PCLO: variants seen among roughly 807,000 people sequenced by gnomAD.
PCLO encodes protein piccolo.
PCLO carries 82 observed loss-of-function variants against 427.5 expected under a neutral mutation model. The observed-to-expected ratio is 0.19, with a 90% confidence interval of 0.16 to 0.23. PCLO has a LOEUF of 0.23. Ranked by LOEUF, PCLO falls within the 10% of genes least tolerant of loss-of-function variation. The probability of loss-of-function intolerance (pLI) is 1.00; values close to 1 mark genes in which losing one functional copy is unlikely to be tolerated. For missense variants in PCLO, 6,239 were observed against 6,115.9 expected (o/e 1.02, Z -0.67); for synonymous variants, 2,357 against 2,155.4 (o/e 1.09, Z -2.59).
chr7:82,853,173 TA>T (rs1331524313), intron 10 of PCLO, among the ~76,000 whole-genome samples: 1 of 152,176 alleles, frequency 6.6e-6, no homozygotes, highest in Non-Finnish European at 1.5e-5. Context: ...ATAATATTGA[TA>T]TTTTTTAAAT....
In PCLO at chr7:82,916,455, G is replaced by T. The variant is rs1794466565; in HGVS notation, c.11531C>A (p.Pro3844Gln). The T allele has an allele frequency of 1.2e-6, 2 of 1,613,580 alleles. No individual in the cohort carries two copies. Among genetic ancestry groups the T allele is most frequent in the Admixed American group, 3.3e-5 (2 of 59,950 alleles). ...MSDSEVSSTR[P>Q]TRIESQHGIE... ...GCCATGCTGACTTTCTATTCGGGTT[G>T]GTCTTGTGCTACTCACTTCACTGTC... The change falls in exon 7 of 25, where the codon CCA becomes CAA. Residue 3844 changes from proline (P) to glutamine (Q), a missense_variant. Pro to Gln is a moderately conservative substitution (Grantham distance 76). Around this residue, in one of 5 missense-constraint regions of PCLO, gnomAD observed 680 missense variants for 677.3 expected, o/e 1.00. Coordinates refer to ENST00000333891, the MANE Select transcript of PCLO (RefSeq NM_033026.6).
rs1795487719 is a variant in PCLO at position 82,955,424 on chromosome 7, A to G, written c.5529T>C (p.Arg1843=). The G allele has an allele frequency of 6.2e-7, 1 of 1,613,722 alleles. No individual in the cohort carries two copies. Among genetic ancestry groups the G allele is most frequent in the Non-Finnish European group, 8.5e-7 (1 of 1,179,820 alleles). The change falls in exon 5 of 25, where the codon CGT becomes CGC. Residue 1843 remains arginine, a synonymous_variant. Coordinates refer to ENST00000333891, the MANE Select transcript of PCLO (RefSeq NM_033026.6). ...GGAGCTCCTCCATTTCTGCAGCCTG[A>G]CGTAACTCTTCTGTCGGAGATGCAT... is the stretch of plus-strand genomic sequence containing the variant. ...IEDASPTEEL[R]QAAEMEELHR...
chr7:82,987,279 A>C (rs186451788), intron 3 of PCLO, among the ~76,000 whole-genome samples: 1 of 152,096 alleles, frequency 6.6e-6, no homozygotes, highest in African/African-American at 2.4e-5. Context: ...TTTTAGAAAA[A>C]AATCCTCTCA....
intron 3 of PCLO, among the ~76,000 whole-genome samples, chr7:82,984,634 G>A (rs1312281031): frequency 1.3e-5 from 2 of 151,842 alleles, no homozygotes; most frequent in Admixed American, 6.6e-5. Flanking sequence ...TGCCTGTTTC[G>A]TTATTTTGTT....
chr7:83,071,008 T>C (rs954293840), intron 3 of PCLO, among the ~76,000 whole-genome samples: 2 of 147,262 alleles, frequency 1.4e-5, no homozygotes, highest in Admixed American at 1.3e-4. Flanking sequence ...ATTTTCTTTT[T>C]CTATTTTTTT....
At chr7:82,951,517 C>A in intron 5 of PCLO, 27 bp from the exon 6 acceptor site, 1 of 1,436,092 alleles carries the variant, frequency 7.0e-7, no homozygotes. Flanking sequence ...AGTTATAGTC[C>A]AGTTCCCAGA....
intron 22 of PCLO, among the ~76,000 whole-genome samples, chr7:82,766,463 C>CT (rs1368149138): frequency 6.6e-6 from 1 of 151,934 alleles, no homozygotes; most frequent in Non-Finnish European, 1.5e-5. Flanking sequence ...TCCTTTAAAG[C>CT]CATAGAAAAG....
chr7:83,082,463 TAGAG>T (rs1218789343), intron 3 of PCLO, among the ~76,000 whole-genome samples: 2 of 151,482 alleles, frequency 1.3e-5, no homozygotes, highest in African/African-American at 2.4e-5. Context: ...ATATCAGAGA[TAGAG>T]AGTAGAATTA....
chr7:82,959,823 T>C (rs1451947832), intron 4 of PCLO, among the ~76,000 whole-genome samples: 2 of 152,140 alleles, frequency 1.3e-5, no homozygotes, highest in African/African-American at 4.8e-5. Flanking sequence ...TTGCATATTA[T>C]AAGGTGGCAA....
chr7:83,063,663 T>C (rs574929808), intron 3 of PCLO, among the ~76,000 whole-genome samples: 1 of 152,224 alleles, frequency 6.6e-6, no homozygotes, highest in East Asian at 1.9e-4. Context: ...TTTCAACTCA[T>C]GATGTATTTA....
At chr7:82,896,133 G>C (rs1296706764) in intron 9 of PCLO, among the ~76,000 whole-genome samples, 1 of 151,816 alleles carries the variant, frequency 6.6e-6, no homozygotes, top group Non-Finnish European at 1.5e-5. Flanking sequence ...TTCTTAAATA[G>C]TTAGACGGAA....
chr7:82,811,220 G>A (rs1405232749), intron 20 of PCLO, among the ~76,000 whole-genome samples: 3 of 151,152 alleles, frequency 2.0e-5, no homozygotes, highest in Non-Finnish European at 4.4e-5. Context: ...CTTAATGATG[G>A]AACGGAAATA....
chr7:82,862,679 G>T (rs2115924182), intron 10 of PCLO, among the ~76,000 whole-genome samples: 1 of 149,530 alleles, frequency 6.7e-6, no homozygotes, highest in African/African-American at 2.5e-5. Flanking sequence ...CCATAAAAAA[G>T]AACAAGATCC....
At chr7:83,067,326 C>T (rs1179075512) in intron 3 of PCLO, among the ~76,000 whole-genome samples, 1 of 152,122 alleles carries the variant, frequency 6.6e-6, no homozygotes, top group Non-Finnish European at 1.5e-5. Context: ...GGAGCTTCCT[C>T]CTTTGTCTTC....
intron 10 of PCLO, among the ~76,000 whole-genome samples, chr7:82,857,357 C>T (rs563822697): frequency 5.3e-5 from 8 of 152,202 alleles, no homozygotes; most frequent in African/African-American, 1.9e-4. Context: ...AGTATTCTTA[C>T]TGAATTATTA....
At chr7:82,984,436 G>C (rs1796214812) in intron 3 of PCLO, among the ~76,000 whole-genome samples, 1 of 151,400 alleles carries the variant, frequency 6.6e-6, no homozygotes, top group African/African-American at 2.4e-5. Flanking sequence ...GTGTGTGTGT[G>C]TGTGTGTGTG....
intron 2 of PCLO, among the ~76,000 whole-genome samples, chr7:83,139,229 G>A (rs1374368989): frequency 6.6e-6 from 1 of 151,940 alleles, no homozygotes; most frequent in Admixed American, 6.6e-5. Context: ...CTTGAAAAAA[G>A]AACTGAATAA....
chr7:82,998,009 G>A (rs1787672688), intron 3 of PCLO, among the ~76,000 whole-genome samples: 1 of 151,980 alleles, frequency 6.6e-6, no homozygotes. Flanking sequence ...TCTTAGATCT[G>A]TAAGAGAAGT....
intron 22 of PCLO, among the ~76,000 whole-genome samples, chr7:82,794,459 CTT>C (rs778108792): frequency 0.043 from 2,414 of 56,176 alleles, 227 homozygotes; most frequent in Middle Eastern, 0.074. Context: ...AATTTTTTTT[CTT>C]TTTTTTTTTT....
Sources: gnomAD v4.1 joint callset for allele counts (sites outside exome capture counted in the v4.1 genomes callset) on GRCh38, gnomAD v4.1.1 for gene constraint, gnomAD v4.1.1 regional missense constraint, MANE v1.5 for transcripts, NCBI Gene and HGNC (gene_info 2026-07-23, HGNC 2026-07-21) for gene names.